Variants in FAM120A observed in about 807,000 individuals in gnomAD.
FAM120A encodes constitutive coactivator of PPAR-gamma-like protein 1.
In FAM120A, 15 loss-of-function variants were observed where a neutral mutation model predicts 109.7. The ratio of observed to expected loss-of-function variants is 0.14; its 90% confidence interval spans 0.09 to 0.21. The LOEUF (loss-of-function observed/expected upper bound fraction) is 0.21. FAM120A is among the 10% of genes least tolerant of loss of function. FAM120A has a pLI of 1.00. For missense variants in FAM120A, 899 were observed against 1,439.3 expected (o/e 0.62, Z 6.07); for synonymous variants, 493 against 572.8 (o/e 0.86, Z 1.99).
rs995336890 is a variant in FAM120A at position 93,498,951 on chromosome 9, A to G, written c.1030+65A>G. 1.2e-5 allele frequency: 12 copies of G among 1,014,848 alleles called. No individual in the cohort carries two copies. Among genetic ancestry groups the G allele is most frequent in the African/African-American group, 3.2e-5 (2 of 62,642 alleles). 62.9% of individuals were successfully genotyped at this position (1,014,848 alleles called of 1,614,324 possible). A position where few individuals can be genotyped will look rare whatever the true frequency, so the allele number is the denominator to read the frequency against. ...ATAATCCAAGTAGGTTTAAATATTCACCATATAATCTTGTAGGTTTATGTT... is the reference window on the plus strand; with the variant it reads ...ATAATCCAAGTAGGTTTAAATATTCGCCATATAATCTTGTAGGTTTATGTT... On this transcript the variant is annotated intron_variant, in intron 5 of 17. Transcript: ENST00000277165. This position sits in a 1 kb window ranked among gnomAD's most constrained non-coding sequence, Gnocchi z 4.4.
intron 1 of FAM120A, among the ~76,000 whole-genome samples, chr9:93,464,484 G>A (rs1180063563): frequency 1.3e-5 from 2 of 152,196 alleles, no homozygotes; most frequent in Non-Finnish European, 2.9e-5. Flanking sequence ...GGAGGAAGAA[G>A]CTGAGAAGTG....
chr9:93,487,500 CTATTAT>C (rs1859114743), intron 3 of FAM120A, among the ~76,000 whole-genome samples: 1 of 152,148 alleles, frequency 6.6e-6, no homozygotes, highest in Non-Finnish European at 1.5e-5. Context: ...AGATTCAAGT[CTATTAT>C]TAGATATATG....
intron 8 of FAM120A, among the ~76,000 whole-genome samples, chr9:93,528,665 A>G (rs1861193436): frequency 6.6e-6 from 1 of 152,138 alleles, no homozygotes; most frequent in East Asian, 1.9e-4. Context: ...ACCTCTTTCT[A>G]TGTCATTATC....
intron 1 of FAM120A, among the ~76,000 whole-genome samples, chr9:93,454,103 A>T (rs1468213455): frequency 6.6e-6 from 1 of 152,198 alleles, no homozygotes; most frequent in Non-Finnish European, 1.5e-5. Flanking sequence ...AGGTGCTCAG[A>T]ATTCAGACCA....
At position 93,452,408 on chromosome 9, in the gene FAM120A, G is replaced by A; in HGVS notation, c.474+19G>A. 6.3e-7 allele frequency: 1 copy of A among 1,591,234 alleles called. No individual in the cohort carries two copies. The highest frequency in any genetic ancestry group is 8.5e-7 in the Non-Finnish European group (1 of 1,170,002). ...CGTCAAGGTGAGGCCGGGGATCCGGGCGGGCCGGGGACCGGGGCCGCGCCG... is the reference window on the plus strand; with the variant it reads ...CGTCAAGGTGAGGCCGGGGATCCGGACGGGCCGGGGACCGGGGCCGCGCCG... On this transcript the variant is annotated intron_variant, in intron 1 of 17. Coordinates refer to ENST00000277165, the MANE Select transcript of FAM120A (RefSeq NM_014612.5). The surrounding 1 kb of genome is among the most constrained non-coding windows in gnomAD (Gnocchi z 7.0).
chr9:93,452,086 C>T lies in FAM120A; in HGVS notation c.171C>T (p.Leu57=). The change falls in exon 1 of 18, where the codon CTC becomes CTT. Residue 57 remains leucine, a synonymous_variant. Coordinates refer to ENST00000277165, the MANE Select transcript of FAM120A (RefSeq NM_014612.5). This position sits in a 1 kb window ranked among gnomAD's most constrained non-coding sequence, Gnocchi z 7.0. ...ACGCCGACAACTGCCTGCACCGCCT[C>T]TACGGCGGCTTCTACACCGACTGGG... ...LVDADNCLHR[L]YGGFYTDWVS... 1 of 1,607,656 alleles carries T rather than the reference C, an allele frequency of 6.2e-7. No individual in the cohort carries two copies. Among genetic ancestry groups the T allele is most frequent in the Non-Finnish European group, 8.5e-7 (1 of 1,178,138 alleles).
In FAM120A at chr9:93,497,617, CA is replaced by C; in HGVS notation, c.933+22del. The C allele has an allele frequency of 6.3e-7, 1 of 1,588,326 alleles. No individual in the cohort carries two copies. Among genetic ancestry groups the C allele is most frequent in the East Asian group, 2.2e-5 (1 of 44,544 alleles). ...ATTCACAGGTAAAAAAAAAAACAAA[CA>C]AAACAAAAAAACAGATTCATGGGAT... On this transcript the variant is annotated intron_variant, in intron 4 of 17. Coordinates refer to ENST00000277165, the MANE Select transcript of FAM120A (RefSeq NM_014612.5).
At chr9:93,491,797 G>T in intron 3 of FAM120A, among the ~76,000 whole-genome samples, 1 of 145,500 alleles carries the variant, frequency 6.9e-6, no homozygotes, top group South Asian at 2.1e-4. Context: ...TAGATATGTC[G>T]CAATTTATTT....
Position 93,536,891 on chromosome 9 carries a change from A to G in FAM120A, c.1909+4562A>G, listed in dbSNP as rs141713139. On this transcript the variant is annotated intron_variant, in intron 10 of 17. Transcript: ENST00000277165. ...TTTCACTTTTAGGAAATTCAGAAGA[A>G]TATTTGCTTATCATGGCAGTATATG... Among the ~76,000 whole-genome samples, 133 of 152,320 alleles carry G rather than the reference A, an allele frequency of 8.7e-4. No homozygotes were observed. The East Asian group carries it at 0.025, about 28-fold the overall frequency.
At chr9:93,517,233 T>C (rs1233749014) in intron 7 of FAM120A, among the ~76,000 whole-genome samples, 2 of 152,252 alleles carry the variant, frequency 1.3e-5, no homozygotes, top group African/African-American at 4.8e-5. Context: ...AGTATAACAT[T>C]AATAAATGTT....
chr9:93,503,649 T>C (rs1859900787), intron 5 of FAM120A, among the ~76,000 whole-genome samples: 1 of 152,124 alleles, frequency 6.6e-6, no homozygotes, highest in Non-Finnish European at 1.5e-5. Flanking sequence ...GGTGGATACA[T>C]GGCATTATAC....
intron 10 of FAM120A, among the ~76,000 whole-genome samples, chr9:93,535,358 G>A (rs1861478314): frequency 6.6e-6 from 1 of 152,238 alleles, no homozygotes; most frequent in Non-Finnish European, 1.5e-5. Context: ...AGAAAGATGA[G>A]TTGGATAGCG....
chr9:93,470,077 A>G (rs780984078), intron 1 of FAM120A, among the ~76,000 whole-genome samples: 1 of 152,230 alleles, frequency 6.6e-6, no homozygotes, highest in African/African-American at 2.4e-5. Context: ...GTAGCCACAC[A>G]TTGGACAGTA....
intron 3 of FAM120A, among the ~76,000 whole-genome samples, chr9:93,476,696 C>G (rs1478414255): frequency 6.6e-6 from 1 of 152,102 alleles, no homozygotes; most frequent in Non-Finnish European, 1.5e-5. Context: ...TCACTTAGAG[C>G]AACATCTTTG....
intron 3 of FAM120A, among the ~76,000 whole-genome samples, chr9:93,486,146 AT>A (rs995752256): frequency 2.6e-4 from 38 of 144,988 alleles, no homozygotes; most frequent in Admixed American, 2.8e-4. Context: ...CTAATGTTTT[AT>A]TTTTTTTTTT....
At chr9:93,542,991 A>C (rs904429658) in intron 10 of FAM120A, among the ~76,000 whole-genome samples, 1 of 152,210 alleles carries the variant, frequency 6.6e-6, no homozygotes, top group African/African-American at 2.4e-5. Flanking sequence ...ATTGGATGAA[A>C]CTTATTTGTG....
At chr9:93,562,112 C>T (rs1043942533) in intron 16 of FAM120A, 96 bp from the exon 17 acceptor site, 15 of 1,064,738 alleles carry the variant, frequency 1.4e-5, no homozygotes, top group African/African-American at 6.3e-5. Flanking sequence ...CTTCATAAAA[C>T]GTAAGATTGG....
At chr9:93,458,977 C>T (rs1857672465) in intron 1 of FAM120A, among the ~76,000 whole-genome samples, 1 of 152,198 alleles carries the variant, frequency 6.6e-6, no homozygotes, top group Non-Finnish European at 1.5e-5. Flanking sequence ...TGTTCCCAAC[C>T]CAACTGGTCA....
intron 10 of FAM120A, among the ~76,000 whole-genome samples, chr9:93,541,261 C>A (rs1321465962): frequency 6.6e-6 from 1 of 152,118 alleles, no homozygotes; most frequent in Admixed American, 6.5e-5. Context: ...TGCCTGTTTT[C>A]TCTTGGGGTG....
Sources: gnomAD v4.1 joint callset for allele counts (sites outside exome capture counted in the v4.1 genomes callset) on GRCh38, gnomAD v4.1.1 for gene constraint, Gnocchi (gnomAD v3.1) non-coding constraint, MANE v1.5 for transcripts, NCBI Gene and HGNC (gene_info 2026-07-23, HGNC 2026-07-21) for gene names.